Variants in PKIB observed in about 807,000 individuals in gnomAD.
PKIB encodes cAMP-dependent protein kinase inhibitor beta.
Under a neutral mutation model 4.5 loss-of-function variants are expected in PKIB, and 2 were observed. The ratio of observed to expected loss-of-function variants is 0.44; its 90% confidence interval spans 0.18 to 1.39. PKIB has a LOEUF of 1.39. PKIB is among the 40% of genes most tolerant of loss of function. The pLI is 0.27. For synonymous variants in PKIB, 38 were observed against 36.0 expected (o/e 1.06, Z -0.20); for missense variants, 94 against 92.6 (o/e 1.02, Z -0.06).
chr6:122,528,599 G>A (rs930540886), intron 2 of PKIB, among the ~76,000 whole-genome samples: 3 of 152,100 alleles, frequency 2.0e-5, no homozygotes, highest in Non-Finnish European at 2.9e-5. Flanking sequence ...TTATAAGAAC[G>A]TTAATCTGTG....
intron 2 of PKIB, chr6:122,484,005 G>A (rs567992324): frequency 6.6e-6 from 1 of 152,158 alleles, no homozygotes; most frequent in South Asian, 2.1e-4. Context: ...ACATCTGTAC[G>A]TGAAGGTCTT....
intron 2 of PKIB, among the ~76,000 whole-genome samples, chr6:122,505,615 T>C (rs1776374106): frequency 2.0e-5 from 3 of 152,216 alleles, no homozygotes; most frequent in Non-Finnish European, 4.4e-5. Context: ...GGTGAGAATG[T>C]CAGTCTCAGG....
At chr6:122,698,563 G>C (rs12526161) in intron 3 of PKIB, among the ~76,000 whole-genome samples, 49,048 of 151,960 alleles carry the variant, frequency 0.32, 9,142 homozygotes, top group South Asian at 0.56. Context: ...GCAGTTTCTT[G>C]CATCAGAAGC....
chr6:122,677,678 C>T (rs1777730241), intron 3 of PKIB, among the ~76,000 whole-genome samples: 1 of 152,266 alleles, frequency 6.6e-6, no homozygotes, highest in East Asian at 1.9e-4. Flanking sequence ...CCTTATTTTG[C>T]AGAGGAGGGA....
chr6:122,633,436 A>G (rs752049609), intron 2 of PKIB, 69 bp downstream of exon 2: 1 of 152,198 alleles, frequency 6.6e-6, no homozygotes, highest in Non-Finnish European at 1.5e-5. Context: ...TCCTAAAAAT[A>G]TATTTGTTGC....
chr6:122,546,006 A>G (rs1365138047), intron 2 of PKIB, among the ~76,000 whole-genome samples: 4 of 151,758 alleles, frequency 2.6e-5, no homozygotes, highest in East Asian at 2.0e-4. Context: ...AGTATGAGAA[A>G]AGTCCCAGGA....
At chr6:122,717,452 T>C (rs564521981) in intron 3 of PKIB, 709 of 346,598 alleles carry the variant, frequency 2.0e-3, no homozygotes, top group Non-Finnish European at 3.1e-3. Context: ...AAAAAGTCAG[T>C]TTTCATTTCC....
At chr6:122,649,914 A>G (rs1411697273) in intron 2 of PKIB, among the ~76,000 whole-genome samples, 1 of 152,192 alleles carries the variant, frequency 6.6e-6, no homozygotes, top group African/African-American at 2.4e-5. Context: ...TTCAAGCACC[A>G]TCACCGGATC....
intron 2 of PKIB, among the ~76,000 whole-genome samples, chr6:122,562,839 C>A (rs1270790533): frequency 6.6e-6 from 1 of 151,378 alleles, no homozygotes; most frequent in Non-Finnish European, 1.5e-5. Flanking sequence ...CTATCTATTT[C>A]TTTGAATATT....
At chr6:122,506,320 T>G in intron 2 of PKIB, among the ~76,000 whole-genome samples, 1 of 152,188 alleles carries the variant, frequency 6.6e-6, no homozygotes, top group East Asian at 1.9e-4. Flanking sequence ...GGGCACCGTT[T>G]GGTGGGAAGA....
intron 1 of PKIB, among the ~76,000 whole-genome samples, chr6:122,631,251 A>G (rs1227579929): frequency 6.6e-6 from 1 of 152,206 alleles, no homozygotes; most frequent in Non-Finnish European, 1.5e-5. Context: ...TCTGTGCCAC[A>G]TATGGCAGTC....
intron 2 of PKIB, among the ~76,000 whole-genome samples, chr6:122,580,034 A>G (rs1385494765): frequency 1.3e-5 from 2 of 152,144 alleles, no homozygotes; most frequent in Non-Finnish European, 2.9e-5. Context: ...TTAATTTTTA[A>G]AGTAAAAAAT....
chr6:122,691,053 A>G (rs1386434504), intron 3 of PKIB, among the ~76,000 whole-genome samples: 2 of 151,394 alleles, frequency 1.3e-5, no homozygotes, highest in African/African-American at 2.4e-5. Flanking sequence ...CCCTGCTGCC[A>G]GACATATTGG....
chr6:122,690,973 AG>A (rs1483170043), intron 3 of PKIB, among the ~76,000 whole-genome samples: 1 of 146,042 alleles, frequency 6.8e-6, no homozygotes, highest in East Asian at 2.0e-4. Flanking sequence ...CTAGGGTAAA[AG>A]GTTTTTTTCC....
chr6:122,582,340 G>A (rs1424584116), intron 2 of PKIB, among the ~76,000 whole-genome samples: 1 of 151,978 alleles, frequency 6.6e-6, no homozygotes, highest in Non-Finnish European at 1.5e-5. Flanking sequence ...TGTAAGAGAG[G>A]GATAAGGAGA....
At chr6:122,533,683 T>G (rs1777326078) in intron 2 of PKIB, among the ~76,000 whole-genome samples, 1 of 152,220 alleles carries the variant, frequency 6.6e-6, no homozygotes, top group Non-Finnish European at 1.5e-5. Flanking sequence ...TATTTTGAAT[T>G]GGATTACTCA....
intron 1 of PKIB, among the ~76,000 whole-genome samples, chr6:122,631,445 CA>C (rs547658994): frequency 1.3e-3 from 199 of 152,126 alleles, no homozygotes; most frequent in African/African-American, 4.7e-3. Context: ...ATCACATTTC[CA>C]AAAGAAAGCT....
At chr6:122,501,126 C>G (rs750934435) in intron 2 of PKIB, among the ~76,000 whole-genome samples, 1 of 152,132 alleles carries the variant, frequency 6.6e-6, no homozygotes, top group Non-Finnish European at 1.5e-5. Flanking sequence ...TTCTCACATT[C>G]CAGAACACAA....
intron 3 of PKIB, among the ~76,000 whole-genome samples, chr6:122,684,995 A>AT (rs1018619330): frequency 6.6e-6 from 1 of 152,154 alleles, no homozygotes; most frequent in Non-Finnish European, 1.5e-5. Flanking sequence ...ATTTCTATAA[A>AT]TTTTTTAAAT....
Sources: allele counts gnomAD v4.1 joint callset (sites outside exome capture counted in the v4.1 genomes callset), GRCh38; gene constraint gnomAD v4.1.1; transcripts MANE v1.5; gene names NCBI Gene and HGNC (gene_info 2026-07-23, HGNC 2026-07-21).